The following SLC9B1 variants were observed in gnomAD, a reference collection of about 807,000 sequenced individuals.
The protein encoded by SLC9B1 is solute carrier family 9 member B1.
A neutral mutation model predicts 51.7 loss-of-function variants in SLC9B1; 32 were observed. That is an observed-to-expected ratio of 0.62 (90% CI 0.47 to 0.83). SLC9B1 has a LOEUF of 0.83. SLC9B1 is among the 40% of genes least tolerant of loss of function. The pLI is 0.00. For missense variants in SLC9B1, 406 were observed against 613.2 expected (o/e 0.66, Z 3.57); for synonymous variants, 145 against 212.7 (o/e 0.68, Z 2.77).
intron 3 of SLC9B1, among the ~76,000 whole-genome samples, chr4:102,967,735 C>G (rs1738507263): frequency 6.6e-6 from 1 of 152,078 alleles, no homozygotes; most frequent in Non-Finnish European, 1.5e-5. Context: ...CCCATTAGGC[C>G]CCACCTCTTA....
intron 11 of SLC9B1, chr4:102,887,970 G>T (rs1317070743): frequency 2.0e-5 from 3 of 153,416 alleles, no homozygotes; most frequent in African/African-American, 7.2e-5. Flanking sequence ...CTTTAGAAAA[G>T]AAGTAAACTG....
At chr4:103,004,252 G>C (rs1740673644) in intron 1 of SLC9B1, among the ~76,000 whole-genome samples, 1 of 152,140 alleles carries the variant, frequency 6.6e-6, no homozygotes, top group Non-Finnish European at 1.5e-5. Context: ...AAACTGATCT[G>C]ATAGAACTAA....
chr4:102,926,718 G>A (rs1431913118), intron 7 of SLC9B1, among the ~76,000 whole-genome samples: 1 of 152,064 alleles, frequency 6.6e-6, no homozygotes, highest in Non-Finnish European at 1.5e-5. Context: ...AGCTACTAAT[G>A]ACTTTCTTCA....
In SLC9B1 at chr4:102,905,609, T is replaced by C. The variant is rs779264959; in HGVS notation, c.1237A>G (p.Ile413Val). The change falls in exon 11 of 12, where the codon ATT becomes GTT. Residue 413 changes from isoleucine to valine, a missense_variant. By Grantham distance (29) the Ile-to-Val change is conservative (BLOSUM62 3). Around this residue, in one of 6 missense-constraint regions of SLC9B1, gnomAD observed 250 missense variants for 394.1 expected, o/e 0.63. Coordinates refer to ENST00000296422, the MANE Select transcript of SLC9B1 (RefSeq NM_139173.4). ...ATLSLALCVR[I>V]LTTYLLMCFA... Reference sequence around the variant, plus strand: ...CACATCAATAGATATGTGGTTAAAATTCGAACACATAATGCCAAACTTAGA... The same window carrying C: ...CACATCAATAGATATGTGGTTAAAACTCGAACACATAATGCCAAACTTAGA... The C allele has an allele frequency of 1.6e-5, 25 of 1,611,342 alleles. No homozygotes were observed. Among genetic ancestry groups the C allele is most frequent in the Non-Finnish European group, 2.1e-5 (25 of 1,179,620 alleles).
intron 6 of SLC9B1, among the ~76,000 whole-genome samples, chr4:102,937,677 T>C (rs927462716): frequency 1.1e-4 from 13 of 117,560 alleles, no homozygotes; most frequent in East Asian, 7.9e-4. Flanking sequence ...TGAGCTGAGA[T>C]AGCACCACTG....
In SLC9B1 at chr4:102,994,639, G is replaced by A. The variant is rs906858570; in HGVS notation, c.-1-2927C>T. ...TTCACGCTACTACAAAGAAATACCC[G>A]AGACTGGGTAATTTATAAAGGAAAG... On this transcript the variant is annotated intron_variant, in intron 1 of 11. Transcript: ENST00000296422. 7.9e-5 allele frequency among the ~76,000 whole-genome samples: 12 copies of A among 152,230 alleles called. No homozygotes were observed. The East Asian group carries it at 1.7e-3, about 22-fold the overall frequency.
Position 102,901,058 on chromosome 4 carries a change from CT to C in SLC9B1, c.*58del, listed in dbSNP as rs1734761195. 2.2e-4 allele frequency: 341 copies of C among 1,578,256 alleles called. No homozygotes were observed. In the South Asian group the frequency reaches 3.7e-3, roughly 17 times the overall value. On this transcript the variant is annotated 3_prime_UTR_variant, in exon 12 of 12. Transcript: ENST00000296422. ...CCCCACATATTTCTACTTTAAAATT[CT>C]TCTGTCATGTGAAATAATTCATTAA...
chr4:102,898,026 G>T, downstream of SLC9B1: 1 of 418,544 alleles, frequency 2.4e-6, no homozygotes, highest in Non-Finnish European at 4.6e-6. Flanking sequence ...ACGAGTGAAT[G>T]GCTCTTTCCT....
At chr4:102,935,592 T>C (rs985186572) in intron 6 of SLC9B1, among the ~76,000 whole-genome samples, 2 of 152,210 alleles carry the variant, frequency 1.3e-5, no homozygotes, top group African/African-American at 4.8e-5. Context: ...TTAAAAGGAA[T>C]AAACTACGTG....
At chr4:102,957,586 G>A (rs1737872492) in intron 3 of SLC9B1, among the ~76,000 whole-genome samples, 2 of 152,104 alleles carry the variant, frequency 1.3e-5, no homozygotes, top group South Asian at 4.1e-4. Flanking sequence ...CTTCAAAAAT[G>A]GAGCTGAAAT....
chr4:103,006,928 C>T (rs1167614501), intron 1 of SLC9B1, among the ~76,000 whole-genome samples: 1 of 152,174 alleles, frequency 6.6e-6, no homozygotes, highest in East Asian at 1.9e-4. Context: ...TAAAATTCAG[C>T]ATAACTTCAT....
Position 102,949,315 on chromosome 4 carries a change from C to G in SLC9B1, c.324G>C (p.Gly108=). 1 of 1,608,944 alleles carries G rather than the reference C, an allele frequency of 6.2e-7. No individual in the cohort carries two copies. Among genetic ancestry groups the G allele is most frequent in the Non-Finnish European group, 8.5e-7 (1 of 1,178,524 alleles). ...LFIIFYSAII[G]GKILQLIRIP... The stretch of plus-strand genomic sequence containing the variant: ...TTCTAATGAGTTGTAAAATTTTTCC[C>G]CCAATAATGGCACTATAAAAAATAA... Residue 108 remains glycine, a synonymous_variant, in exon 4 of 12, where the codon GGG becomes GGC. Transcript: ENST00000296422.
At chr4:102,949,101 T>TAC (rs759800843) in intron 4 of SLC9B1, among the ~76,000 whole-genome samples, 156 bp downstream of exon 4, 92 of 151,574 alleles carry the variant, frequency 6.1e-4, no homozygotes, top group African/African-American at 2.0e-3. Flanking sequence ...AAAGGAGCTG[T>TAC]ACACACACAC....
chr4:102,949,119 C>T, intron 4 of SLC9B1, 138 bp downstream of exon 4: 1 of 719,588 alleles, frequency 1.4e-6, no homozygotes. Flanking sequence ...CACACACATA[C>T]AGTAAATACA....
chr4:102,919,363 C>G (rs1224122195), intron 7 of SLC9B1, among the ~76,000 whole-genome samples: 1 of 152,196 alleles, frequency 6.6e-6, no homozygotes, highest in Non-Finnish European at 1.5e-5. Context: ...AAACTGAACA[C>G]TTTTAAGAGC....
At chr4:102,986,287 A>G (rs1437159761) in intron 3 of SLC9B1, among the ~76,000 whole-genome samples, 2 of 151,736 alleles carry the variant, frequency 1.3e-5, no homozygotes, top group African/African-American at 4.8e-5. Flanking sequence ...AACATTTTAA[A>G]TATTTCATGC....
In SLC9B1 at chr4:102,962,084, T is replaced by G. The variant is rs2110489305; in HGVS notation, c.212-12657A>C. ...TCCAGCCCACACCTGGAGGTTGAGC[T>G]GCACCCACTGCTCTGGGTCTCAGCC... On this transcript the variant is annotated intron_variant, in intron 3 of 11. Coordinates refer to ENST00000296422, the MANE Select transcript of SLC9B1 (RefSeq NM_139173.4). 11 of 368,726 alleles carry G rather than the reference T, an allele frequency of 3.0e-5. 1 individual carries two copies. Among genetic ancestry groups the G allele is most frequent in the South Asian group, 2.4e-4 (11 of 46,706 alleles). 22.8% of individuals were successfully genotyped at this position (368,726 alleles called of 1,614,324 possible).
At chr4:102,978,128 C>G (rs548965615) in intron 3 of SLC9B1, among the ~76,000 whole-genome samples, 3 of 152,088 alleles carry the variant, frequency 2.0e-5, no homozygotes, top group Non-Finnish European at 4.4e-5. Flanking sequence ...TCCCTACAAA[C>G]GACATGAACT....
chr4:103,015,281 CAAAAAAAAA>C (rs201798527), intron 1 of SLC9B1, among the ~76,000 whole-genome samples: 1 of 67,858 alleles, frequency 1.5e-5, no homozygotes, highest in South Asian at 4.5e-4. Context: ...ATGTATGGAC[CAAAAAAAAA>C]AAAAAAAAAA....
Sources: gnomAD v4.1 joint callset for allele counts (sites outside exome capture counted in the v4.1 genomes callset) on GRCh38, gnomAD v4.1.1 for gene constraint, gnomAD v4.1.1 regional missense constraint, MANE v1.5 for transcripts, NCBI Gene and HGNC (gene_info 2026-07-23, HGNC 2026-07-21) for gene names.